AFF3: variants seen among roughly 807,000 people sequenced by gnomAD.
AFF3 encodes the protein ALF transcription elongation factor 3.
A neutral mutation model predicts 129.7 loss-of-function variants in AFF3; 32 were observed. The ratio of observed to expected loss-of-function variants is 0.25; its 90% CI spans 0.19 to 0.33. The LOEUF (loss-of-function observed/expected upper bound fraction) is 0.33. AFF3 is among the 10% of genes least tolerant of loss of function. The pLI, the probability that AFF3 is intolerant of heterozygous loss-of-function variation, is 1.00. For missense variants in AFF3, 1,373 were observed against 1,592.0 expected (o/e 0.86, Z 2.34); for synonymous variants, 644 against 635.4 (o/e 1.01, Z -0.20).
chr2:99,572,286 T>TCCCCCCCCCC (rs1383965658), intron 18 of AFF3, among the ~76,000 whole-genome samples: 2 of 45,730 alleles, frequency 4.4e-5, no homozygotes, highest in Non-Finnish European at 3.9e-5. Flanking sequence ...CTCTTCCCCC[T>TCCCCCCCCCC]CCCACCACCC....
At chr2:99,948,496 T>C (rs758363752) in intron 7 of AFF3, among the ~76,000 whole-genome samples, 2 of 152,222 alleles carry the variant, frequency 1.3e-5, no homozygotes, top group Non-Finnish European at 2.9e-5. Context: ...TTTTATTCTA[T>C]TGTGTTTCAT....
At chr2:99,743,888 T>C (rs7601137) in intron 10 of AFF3, among the ~76,000 whole-genome samples, 21,073 of 152,202 alleles carry the variant, frequency 0.14, 1,678 homozygotes, top group Admixed American at 0.24. Flanking sequence ...TTCACCATTT[T>C]CTGTTTTGGC....
chr2:100,089,089 T>C (rs988094655), intron 4 of AFF3, among the ~76,000 whole-genome samples: 9 of 152,148 alleles, frequency 5.9e-5, no homozygotes, highest in Non-Finnish European at 7.4e-5. Flanking sequence ...GTATAAAGTG[T>C]GAACCTATGC....
intron 7 of AFF3, among the ~76,000 whole-genome samples, chr2:99,837,984 C>T (rs534843285): frequency 1.3e-5 from 2 of 152,286 alleles, no homozygotes; most frequent in South Asian, 2.1e-4. Flanking sequence ...TTCCACCGTC[C>T]TCAAAGCCTT....
At chr2:99,590,466 C>A (rs1275613046) in intron 15 of AFF3, among the ~76,000 whole-genome samples, 1 of 152,152 alleles carries the variant, frequency 6.6e-6, no homozygotes, top group Non-Finnish European at 1.5e-5. Context: ...TTCCAAGGGG[C>A]CCTGGGTGAT....
chr2:99,794,651 T>G (rs1302955270), intron 8 of AFF3, among the ~76,000 whole-genome samples: 1 of 152,170 alleles, frequency 6.6e-6, no homozygotes, highest in Admixed American at 6.5e-5. Context: ...GTATCTCCAC[T>G]TTAGTATTCT....
intron 4 of AFF3, among the ~76,000 whole-genome samples, chr2:100,035,354 T>C (rs1489045500): frequency 2.0e-5 from 3 of 152,228 alleles, no homozygotes; most frequent in Admixed American, 2.0e-4. Context: ...AAGAATACTG[T>C]TGGTGTGCAA....
intron 7 of AFF3, among the ~76,000 whole-genome samples, chr2:99,859,071 C>T (rs1016717381): frequency 6.6e-6 from 1 of 152,218 alleles, no homozygotes; most frequent in Non-Finnish European, 1.5e-5. Flanking sequence ...AAAGCAGCTC[C>T]GCTTCTCCTG....
At chr2:99,963,538 A>C (rs185354626) in intron 7 of AFF3, among the ~76,000 whole-genome samples, 1 of 152,242 alleles carries the variant, frequency 6.6e-6, no homozygotes, top group East Asian at 1.9e-4. Flanking sequence ...GTGGTAAAAC[A>C]CTGATAGTGG....
In AFF3 at chr2:100,104,440, G is replaced by A. The variant is rs1273723065; in HGVS notation, c.15C>T (p.Asp5=). The A allele has an allele frequency of 1.5e-6, 2 of 1,314,670 alleles. No individual in the cohort carries two copies. The highest frequency in any genetic ancestry group is 2.7e-5 in the Admixed American group (1 of 37,012). The allele number at this position is 1,314,670 out of a possible 1,614,324, so 81.4% of individuals were successfully genotyped here. MDSF[D]LALLQEWDLE... ...GGTCCCATTCCTGGAGCAGGGCTAA[G>A]TCGAAGCTGTCCATGGTGGGAGGTG... The change falls in exon 4 of 25, where the codon GAC becomes GAT. Residue 5 remains aspartate (D), a synonymous_variant. Coordinates refer to ENST00000672756, the MANE Select transcript of AFF3 (RefSeq NM_001386135.1).
chr2:99,598,423 C>T (rs1679500007), intron 14 of AFF3, among the ~76,000 whole-genome samples: 1 of 152,166 alleles, frequency 6.6e-6, no homozygotes, highest in Admixed American at 6.5e-5. Flanking sequence ...CAATGAAGCC[C>T]ACATCATGCC....
At chr2:99,594,365 T>A in intron 14 of AFF3, 76 bp from the exon 15 acceptor site, 1 of 1,522,484 alleles carries the variant, frequency 6.6e-7, no homozygotes, top group Non-Finnish European at 8.8e-7. Context: ...GCTGTTTTTA[T>A]CTTGACTTAC....
chr2:99,987,962 T>C (rs967838004), intron 7 of AFF3, among the ~76,000 whole-genome samples: 5 of 152,204 alleles, frequency 3.3e-5, no homozygotes, highest in African/African-American at 9.6e-5. Flanking sequence ...AGCACCTGCA[T>C]GTTAAGCACT....
intron 4 of AFF3, among the ~76,000 whole-genome samples, chr2:100,085,111 T>C (rs1041411422): frequency 6.7e-6 from 1 of 149,558 alleles, no homozygotes. Flanking sequence ...TAAAGAAAAA[T>C]ATCACGCTTT....
At chr2:99,925,821 T>C (rs1002518229) in intron 7 of AFF3, among the ~76,000 whole-genome samples, 3 of 152,216 alleles carry the variant, frequency 2.0e-5, no homozygotes, top group Non-Finnish European at 4.4e-5. Flanking sequence ...ATTCAGTGAA[T>C]GTTCAATGAA....
At chr2:100,004,050 C>T (rs565106588) in intron 7 of AFF3, among the ~76,000 whole-genome samples, 4 of 151,984 alleles carry the variant, frequency 2.6e-5, no homozygotes, top group African/African-American at 9.6e-5. Flanking sequence ...GAGGAATGTA[C>T]CTATACGATG....
intron 4 of AFF3, among the ~76,000 whole-genome samples, chr2:100,065,766 A>C (rs1228181046): frequency 6.6e-6 from 1 of 152,218 alleles, no homozygotes; most frequent in Non-Finnish European, 1.5e-5. Context: ...GAATCTTTTT[A>C]AAACAAAATT....
intron 2 of AFF3, among the ~76,000 whole-genome samples, chr2:100,111,530 A>C (rs974509634): frequency 2.0e-5 from 3 of 152,192 alleles, no homozygotes; most frequent in African/African-American, 7.2e-5. Flanking sequence ...AACCTGGTTA[A>C]GTTGCTGTGA....
chr2:100,077,898 T>A (rs1370098094), intron 4 of AFF3, among the ~76,000 whole-genome samples: 1 of 152,016 alleles, frequency 6.6e-6, no homozygotes, highest in African/African-American at 2.4e-5. Flanking sequence ...CAAAGAAGGG[T>A]TCAAGGAATG....
Sources: allele counts gnomAD v4.1 joint callset (sites outside exome capture counted in the v4.1 genomes callset), GRCh38; gene constraint gnomAD v4.1.1; transcripts MANE v1.5; gene names NCBI Gene and HGNC (gene_info 2026-07-23, HGNC 2026-07-21).